The following CARS1 variants were observed in gnomAD, a reference collection of about 807,000 sequenced individuals.
CARS1 encodes cysteine--tRNA ligase, cytoplasmic.
In CARS1, 48 loss-of-function variants were observed where a neutral mutation model predicts 106.2. The observed-to-expected ratio is 0.45, with a 90% confidence interval of 0.36 to 0.57. The LOEUF (loss-of-function observed/expected upper bound fraction) is 0.57, where lower values mean the gene tolerates loss of function less well. CARS1 is among the 20% of genes least tolerant of loss of function. The probability of loss-of-function intolerance (pLI) is 0.00; values close to 1 mark genes in which losing one functional copy is unlikely to be tolerated. For synonymous variants in CARS1, 409 were observed against 403.4 expected (o/e 1.01, Z -0.17); for missense variants, 968 against 1,057.2 (o/e 0.92, Z 1.17).
At chr11:3,005,255 A>T in intron 20 of CARS1, 111 bp downstream of exon 20, 1 of 742,152 alleles carries the variant, frequency 1.3e-6, no homozygotes, top group Non-Finnish European at 2.2e-6. Context: ...AAATACTGGG[A>T]TTTTAATAAA....
intron 1 of CARS1, among the ~76,000 whole-genome samples, chr11:3,056,114 G>A (rs933369405): frequency 1.3e-5 from 2 of 152,230 alleles, no homozygotes; most frequent in African/African-American, 4.8e-5. Context: ...TGGCACAAGA[G>A]TGTAGCCCTG....
In CARS1 at chr11:3,019,123, C is replaced by T; in HGVS notation, c.1395+16G>A. The T allele has an allele frequency of 4.0e-6, 6 of 1,508,988 alleles. No homozygotes were observed. Among genetic ancestry groups the T allele is most frequent in the Non-Finnish European group, 5.3e-6 (6 of 1,133,380 alleles). 93.5% of individuals were successfully genotyped at this position (1,508,988 alleles called of 1,614,324 possible). On this transcript the variant is annotated intron_variant, in intron 12 of 22. Coordinates refer to ENST00000380525, the MANE Select transcript of CARS1 (RefSeq NM_001014437.3). The surrounding 1 kb of genome is among the most constrained non-coding windows in gnomAD (Gnocchi z 6.2). ...TGTGCTCTTGCACCTGACAAGGGGA[C>T]TCTGTTTTCACCTACCTCCGACTGT...
chr11:3,018,916 G>A (rs561602717), intron 12 of CARS1, among the ~76,000 whole-genome samples, 167 bp from the exon 13 acceptor site: 70 of 152,340 alleles, frequency 4.6e-4, no homozygotes, highest in Non-Finnish European at 1.9e-4. Context: ...AAGCCAGCAG[G>A]TAACACAACT....
rs142205100 is a variant in CARS1 at position 3,024,771 on chromosome 11, G to A, written c.1153+1905C>T. Among the ~76,000 whole-genome samples the A allele has an allele frequency of 7.7e-3, 1,179 of 152,224 alleles. 7 individuals are homozygous for A. The highest frequency in any genetic ancestry group is 0.012 in the Admixed American group (181 of 15,294). ...CCAAGTGTTGTTATCTAATACAATC[G>A]CTCCATGGTGACAGAATGAGGGCTC... On this transcript the variant is annotated intron_variant, in intron 10 of 22. Transcript: ENST00000380525.
Position 3,028,828 on chromosome 11 carries a change from C to G in CARS1, c.1031+168G>C. On this transcript the variant is annotated intron_variant, in intron 9 of 22. Transcript: ENST00000380525. The surrounding 1 kb of genome is among the most constrained non-coding windows in gnomAD (Gnocchi z 4.4). Reference sequence around the variant, plus strand: ...GACAGTGCAGACCCATGCTCCTCAGCCCCTGGGTGGGCCCAGAGTTGTAGG... The same window carrying G: ...GACAGTGCAGACCCATGCTCCTCAGGCCCTGGGTGGGCCCAGAGTTGTAGG... The G allele has an allele frequency of 1.6e-6, 1 of 621,890 alleles. No homozygotes were observed. Among genetic ancestry groups the G allele is most frequent in the Non-Finnish European group, 2.9e-6 (1 of 347,884 alleles). The allele number at this position is 621,890 out of a possible 1,614,324, so 38.5% of individuals were successfully genotyped here.
rs1004140684 is a variant in CARS1, at chr11:3,012,254, T to C, written c.2009A>G (p.Tyr670Cys). The C allele has an allele frequency of 1.2e-6, 2 of 1,614,220 alleles. No individual in the cohort carries two copies. The highest frequency in any genetic ancestry group is 8.5e-7 in the Non-Finnish European group (1 of 1,180,032). Reference protein sequence around the residue: ...SLSLEATVMPYLQVLSEFREG... With the variant: ...SLSLEATVMPCLQVLSEFREG... ...TCGGAATTCTGATAACACCTGAAGGTAGGGCATGACTGTGGCCTCGAGCTG... is the reference window on the plus strand; with the variant it reads ...TCGGAATTCTGATAACACCTGAAGGCAGGGCATGACTGTGGCCTCGAGCTG... The change falls in exon 18 of 23, where the codon TAC (tyrosine) becomes TGC (cysteine). Residue 670 changes from tyrosine (Y) to cysteine (C), a missense_variant. Coordinates refer to ENST00000380525, the MANE Select transcript of CARS1 (RefSeq NM_001014437.3).
At position 3,043,896 on chromosome 11, in the gene CARS1, T is replaced by G. The variant is rs375444545; in HGVS notation, c.275-1640A>C. On this transcript the variant is annotated intron_variant, in intron 2 of 22. Coordinates refer to ENST00000380525, the MANE Select transcript of CARS1 (RefSeq NM_001014437.3). This position sits in a 1 kb window ranked among gnomAD's most constrained non-coding sequence, Gnocchi z 4.0. ...GCCAGTGCTCAGCAGGAGCCCCCAC[T>G]CTAGGTGAGTTCCAGTGGTCACAGG... is the stretch of plus-strand genomic sequence containing the variant. Among the ~76,000 whole-genome samples, 9 of 152,124 alleles carry G rather than the reference T, an allele frequency of 5.9e-5. No individual in the cohort carries two copies. Among genetic ancestry groups the G allele is most frequent in the African/African-American group, 1.4e-4 (6 of 41,502 alleles).
At chr11:3,015,981 TC>T in intron 16 of CARS1, 132 bp from the exon 17 acceptor site, 1 of 751,680 alleles carries the variant, frequency 1.3e-6, no homozygotes, top group Non-Finnish European at 2.3e-6. Context: ...AAGCAGCAGC[TC>T]CAGGAGCCCC....
intron 18 of CARS1, among the ~76,000 whole-genome samples, chr11:3,010,238 G>A (rs11025041): frequency 0.1 from 15,173 of 152,264 alleles, 863 homozygotes; most frequent in African/African-American, 0.14. Flanking sequence ...GCGCCCTCCC[G>A]GGGCTGTGGC....
intron 21 of CARS1, 21 bp downstream of exon 21, chr11:3,002,520 C>T (rs780907768): frequency 6.2e-7 from 1 of 1,613,672 alleles, no homozygotes; most frequent in Non-Finnish European, 8.5e-7. Flanking sequence ...AGAGCCCTCA[C>T]CCCCAAACAA....
At chr11:3,036,804 A>G (rs531057167) in intron 7 of CARS1, among the ~76,000 whole-genome samples, 11 of 152,280 alleles carry the variant, frequency 7.2e-5, no homozygotes, top group African/African-American at 2.4e-4. Flanking sequence ...GGATGAGCAA[A>G]ATGTGGCCCA....
At position 3,018,657 on chromosome 11, in the gene CARS1, G is replaced by A. The variant is rs1298758302; in HGVS notation, c.1488C>T (p.Asn496=). ...AGCKMSKSLK[N]FITIKDALKK... is the part of the protein sequence containing the mutation. The stretch of plus-strand genomic sequence containing the variant: ...TCAAGGCATCTTTAATGGTGATGAA[G>A]TTTTTTAGTGACTTTGACATTTTGC... The change falls in exon 13 of 23, where the codon AAC becomes AAT. Residue 496 remains asparagine, a synonymous_variant. Coordinates refer to ENST00000380525, the MANE Select transcript of CARS1 (RefSeq NM_001014437.3). The A allele has an allele frequency of 2.5e-6, 4 of 1,614,226 alleles. No homozygotes were observed. The highest frequency in any genetic ancestry group is 2.2e-5 in the South Asian group (2 of 91,086).
Position 3,046,631 on chromosome 11 carries a change from CG to C in CARS1, c.274+1121del, listed in dbSNP as rs1014934607. On this transcript the variant is annotated intron_variant, in intron 2 of 22. Transcript: ENST00000380525. The surrounding 1 kb of genome is among the most constrained non-coding windows in gnomAD (Gnocchi z 5.8). ...GCAGAGGCCTGACCCACGGCAGAGG[CG>C]GGGGGGCATGTTCCCAATCCCAGGC... is the stretch of plus-strand genomic sequence containing the variant. 9.2e-5 allele frequency among the ~76,000 whole-genome samples: 14 copies of C among 151,958 alleles called. No individual in the cohort carries two copies. The highest frequency in any genetic ancestry group is 6.5e-4 in the Admixed American group (10 of 15,270).
rs573795056 is a variant in CARS1 at position 3,045,327 on chromosome 11, C to T, written c.274+2426G>A. Among the ~76,000 whole-genome samples, 3 of 152,208 alleles carry T rather than the reference C, an allele frequency of 2.0e-5. No individual in the cohort carries two copies. In the South Asian group the frequency reaches 6.2e-4, roughly 32 times the overall value. ...TCACCTAGGCTGGAGTACAGTGGCA[C>T]GATCTCGGCTCACTGCAAGCTCCGC... On this transcript the variant is annotated intron_variant, in intron 2 of 22. Transcript: ENST00000380525. The surrounding 1 kb of genome is among the most constrained non-coding windows in gnomAD (Gnocchi z 5.6).
intron 20 of CARS1, 54 bp downstream of exon 20, chr11:3,005,312 T>A (rs1849751986): frequency 1.9e-5 from 24 of 1,294,470 alleles, no homozygotes; most frequent in Non-Finnish European, 2.7e-5. Flanking sequence ...ATAATCGCAA[T>A]GGTTTTTACA....
chr11:3,051,670 C>T (rs1225497634), intron 1 of CARS1, among the ~76,000 whole-genome samples: 2 of 152,174 alleles, frequency 1.3e-5, no homozygotes, highest in Non-Finnish European at 2.9e-5. Context: ...ATGAAGTTCA[C>T]TAAAGATTAG....
chr11:3,018,785 G>C (rs757669105), intron 12 of CARS1, 36 bp from the exon 13 acceptor site: 32 of 1,599,476 alleles, frequency 2.0e-5, no homozygotes, highest in Non-Finnish European at 2.6e-5. Flanking sequence ...CAACAGTCAT[G>C]TGTTACTGGG....
At chr11:3,001,344 C>A (rs1217637065) in intron 22 of CARS1, 96 bp from the exon 23 acceptor site, 6 of 1,404,856 alleles carry the variant, frequency 4.3e-6, no homozygotes, top group Non-Finnish European at 5.9e-6. Context: ...TGTCTATCTC[C>A]CTGATGCAGC....
chr11:3,057,011 CG>C (rs943555404), intron 1 of CARS1, among the ~76,000 whole-genome samples: 2 of 152,172 alleles, frequency 1.3e-5, no homozygotes, highest in Non-Finnish European at 2.9e-5. Context: ...GGCCGTCCCT[CG>C]GAGCCGGGCA....
Sources: allele counts gnomAD v4.1 joint callset (sites outside exome capture counted in the v4.1 genomes callset), GRCh38; gene constraint gnomAD v4.1.1; non-coding constraint Gnocchi (gnomAD v3.1); transcripts MANE v1.5; gene names NCBI Gene and HGNC (gene_info 2026-07-23, HGNC 2026-07-21).